SEL1L: variants seen among roughly 807,000 people sequenced by gnomAD.
SEL1L encodes protein sel-1 homolog 1.
In SEL1L, 52 loss-of-function variants were observed where a neutral mutation model predicts 109.8. The ratio of observed to expected loss-of-function variants is 0.47; its 90% CI spans 0.38 to 0.60. The LOEUF (loss-of-function observed/expected upper bound fraction) is 0.60, where lower values mean the gene tolerates loss of function less well. Ranked by LOEUF, SEL1L falls within the 20% of genes least tolerant of loss-of-function variation. The probability of loss-of-function intolerance (pLI) is 0.00; values close to 1 mark genes in which losing one functional copy is unlikely to be tolerated. For missense variants in SEL1L, 749 were observed against 962.2 expected, an observed-to-expected ratio of 0.78 and a Z score of 2.93; for synonymous variants, 373 against 339.6, an observed-to-expected ratio of 1.10 and a Z score of -1.08.
intron 10 of SEL1L, among the ~76,000 whole-genome samples, chr14:81,496,308 C>T (rs907683852): frequency 2.0e-5 from 3 of 151,494 alleles, no homozygotes; most frequent in African/African-American, 7.3e-5. Context: ...TGGGCGAGAG[C>T]GAGACTCCGT....
At chr14:81,496,719 ATC>A (rs1883768061) in intron 10 of SEL1L, among the ~76,000 whole-genome samples, 1 of 152,196 alleles carries the variant, frequency 6.6e-6, no homozygotes, top group African/African-American at 2.4e-5. Context: ...CAGAGCAAGG[ATC>A]TGTCTCAAAA....
intron 3 of SEL1L, among the ~76,000 whole-genome samples, chr14:81,511,970 T>C (rs980020690): frequency 7.9e-5 from 12 of 152,238 alleles, no homozygotes; most frequent in African/African-American, 2.2e-4. Flanking sequence ...GTAATGACAG[T>C]TACTGAAAAA....
intron 13 of SEL1L, 30 bp from the exon 14 acceptor site, chr14:81,489,344 T>G (rs1405758878): frequency 6.3e-7 from 1 of 1,581,670 alleles, no homozygotes; most frequent in Non-Finnish European, 8.7e-7. Flanking sequence ...GACAAAAGAG[T>G]GAAAAGAATT....
At chr14:81,491,726 A>G (rs1883544334) in intron 12 of SEL1L, among the ~76,000 whole-genome samples, 1 of 152,228 alleles carries the variant, frequency 6.6e-6, no homozygotes, top group South Asian at 2.1e-4. Context: ...TGACATATGG[A>G]ATTTATTTAT....
rs140826891 is a variant in SEL1L, at chr14:81,514,485, G to A, written c.341-8244C>T. On this transcript the variant is annotated intron_variant, in intron 3 of 20. Coordinates refer to ENST00000336735, the MANE Select transcript of SEL1L (RefSeq NM_005065.6). ...TGCGTTGTTAAGGGTCACTAAATCC[G>A]ATTTTTCTCAGTCCTCTTTGGGGTC... 2.1e-3 allele frequency among the ~76,000 whole-genome samples: 318 copies of A among 152,196 alleles called. 1 individual carries two copies. The highest frequency in any genetic ancestry group is 7.2e-3 in the African/African-American group (299 of 41,482).
intron 3 of SEL1L, among the ~76,000 whole-genome samples, chr14:81,510,512 C>A (rs60996961): frequency 0.19 from 19,576 of 104,556 alleles, 1,624 homozygotes; most frequent in African/African-American, 0.24. Context: ...CTCTCTCTCT[C>A]TCTATATATA....
rs763036267 is a variant in SEL1L at position 81,490,502 on chromosome 14, C to G, written c.1255-37G>C. 7.5e-6 allele frequency: 11 copies of G among 1,460,672 alleles called. No homozygotes were observed. The African/African-American group carries it at 1.5e-4, about 20-fold the overall frequency. 90.5% of individuals were successfully genotyped at this position (1,460,672 alleles called of 1,614,324 possible). Reference sequence around the variant, plus strand: ...ATCCCAATTTCAGTAAGAGCTGTAACCCTCTCTCCAATTACATTTTTCTCC... The same window carrying G: ...ATCCCAATTTCAGTAAGAGCTGTAAGCCTCTCTCCAATTACATTTTTCTCC... On this transcript the variant is annotated intron_variant, in intron 12 of 20. Coordinates refer to ENST00000336735, the MANE Select transcript of SEL1L (RefSeq NM_005065.6).
At chr14:81,497,366 G>C (rs1883806743) in intron 10 of SEL1L, among the ~76,000 whole-genome samples, 1 of 152,198 alleles carries the variant, frequency 6.6e-6, no homozygotes, top group Admixed American at 6.5e-5. Context: ...CACGAAACCT[G>C]TGTGTGCACA....
At chr14:81,507,582 AC>A (rs1157054344) in intron 3 of SEL1L, among the ~76,000 whole-genome samples, 1 of 150,728 alleles carries the variant, frequency 6.6e-6, no homozygotes, top group African/African-American at 2.5e-5. Flanking sequence ...CAAACAAAAA[AC>A]AAAGAAAAAA....
At chr14:81,499,879 A>T (rs115363358) in intron 6 of SEL1L, among the ~76,000 whole-genome samples, 2,328 of 151,698 alleles carry the variant, frequency 0.015, 47 homozygotes, top group African/African-American at 0.053. Flanking sequence ...GCATTATTTT[A>T]AAAAAAATTT....
chr14:81,495,885 G>A (rs533694356), intron 10 of SEL1L, among the ~76,000 whole-genome samples: 28 of 152,222 alleles, frequency 1.8e-4, no homozygotes, highest in African/African-American at 6.0e-4. Context: ...AAGGTGTGCC[G>A]AGATCGTGCC....
At chr14:81,492,034 T>G (rs990303336) in intron 12 of SEL1L, among the ~76,000 whole-genome samples, 1 of 152,182 alleles carries the variant, frequency 6.6e-6, no homozygotes, top group Non-Finnish European at 1.5e-5. Flanking sequence ...CACTATTTTT[T>G]TTTTTTTAGA....
intron 6 of SEL1L, 69 bp downstream of exon 6, chr14:81,502,650 TAG>T (rs1221482766): frequency 1.4e-6 from 2 of 1,458,668 alleles, no homozygotes; most frequent in Non-Finnish European, 1.9e-6. Flanking sequence ...AGTCAGGACA[TAG>T]AGAGTAAACT....
At chr14:81,531,113 CA>C (rs1194922861) in intron 1 of SEL1L, among the ~76,000 whole-genome samples, 4 of 152,138 alleles carry the variant, frequency 2.6e-5, no homozygotes, top group African/African-American at 9.7e-5. Flanking sequence ...AAACACTGTA[CA>C]CTTAAACTAC....
At chr14:81,532,075 C>T (rs1287596905) in intron 1 of SEL1L, among the ~76,000 whole-genome samples, 1 of 152,226 alleles carries the variant, frequency 6.6e-6, no homozygotes, top group Non-Finnish European at 1.5e-5. Context: ...TTTATTACAA[C>T]ATCCTGAAAG....
rs1181217959 is a variant in SEL1L, at chr14:81,475,930, G to A, written c.*1042C>T. On this transcript the variant is annotated 3_prime_UTR_variant, in exon 21 of 21. Coordinates refer to ENST00000336735, the MANE Select transcript of SEL1L (RefSeq NM_005065.6). ...GAGTTTAATCCATCTTTGATTCTCT[G>A]AGTTTTAGTATTATAATAGTAGTCA... 2 of 152,252 alleles carry A rather than the reference G, an allele frequency of 1.3e-5. No individual in the cohort carries two copies. Among genetic ancestry groups the A allele is most frequent in the East Asian group, 1.9e-4 (1 of 5,190 alleles). The allele number at this position is 152,252 out of a possible 1,614,324, so 9.4% of individuals were successfully genotyped here.
chr14:81,502,179 T>G (rs1432976182), intron 6 of SEL1L, among the ~76,000 whole-genome samples: 2 of 152,128 alleles, frequency 1.3e-5, no homozygotes, highest in African/African-American at 4.8e-5. Flanking sequence ...TATCTCATTT[T>G]AATAAAAATA....
chr14:81,484,028 AG>A (rs1178118215), intron 19 of SEL1L, among the ~76,000 whole-genome samples, 196 bp downstream of exon 19: 1 of 152,244 alleles, frequency 6.6e-6, no homozygotes, highest in African/African-American at 2.4e-5. Context: ...TAAATAAAAC[AG>A]CGTGGATAGC....
chr14:81,519,304 C>G (rs1321504755), intron 3 of SEL1L, among the ~76,000 whole-genome samples: 2 of 152,226 alleles, frequency 1.3e-5, no homozygotes, highest in Non-Finnish European at 2.9e-5. Flanking sequence ...GCCTTCTAGT[C>G]TTCCACTATG....
Sources: allele counts gnomAD v4.1 joint callset (sites outside exome capture counted in the v4.1 genomes callset), GRCh38; gene constraint gnomAD v4.1.1; transcripts MANE v1.5; gene names NCBI Gene and HGNC (gene_info 2026-07-23, HGNC 2026-07-21).